SYNC: variants seen among roughly 807,000 people sequenced by gnomAD.
The protein encoded by SYNC is syncoilin.
In SYNC, 38 loss-of-function variants were observed where a neutral mutation model predicts 49.5. That is an observed-to-expected ratio of 0.77 (90% CI 0.59 to 1.01). SYNC has a LOEUF of 1.01. Among genes scored for constraint, SYNC ranks in the 50% least tolerant of loss-of-function variants. SYNC has a pLI of 0.00. For synonymous variants in SYNC, 201 were observed against 230.8 expected, an observed-to-expected ratio of 0.87 and a Z score of 1.17; for missense variants, 579 against 580.6, an observed-to-expected ratio of 1.00 and a Z score of 0.03.
Position 32,695,079 on chromosome 1 carries a change from T to A in SYNC, c.1019A>T (p.Glu340Val), listed in dbSNP as rs757760882. ...CAGGAACTGAGGCTCATACTCCTCC[T>A]CCAGGTCCTGGCGGCTCTCTGCCAT... ...NLMAESRQDL[E>V]EEYEPQFLRL... The change falls in exon 2 of 5, where the codon GAG (glutamate) becomes GTG (valine). Residue 340 changes from glutamate to valine, a missense_variant. By Grantham distance (121) the Glu-to-Val change is moderately radical. Transcript: ENST00000409190. 10 of 1,613,354 alleles carry A rather than the reference T, an allele frequency of 6.2e-6. No individual in the cohort carries two copies. In the African/African-American group the frequency reaches 1.3e-4, roughly 22 times the overall value.
At position 32,702,613 on chromosome 1, in the gene SYNC, G is replaced by A. The variant is rs1428940365; in HGVS notation, c.48C>T (p.Ala16=). 5.7e-6 allele frequency: 7 copies of A among 1,225,186 alleles called. No homozygotes were observed. In the South Asian group the frequency reaches 2.3e-4, roughly 41 times the overall value. The allele number at this position is 1,225,186 out of a possible 1,614,324, so 75.9% of individuals were successfully genotyped here. A position where few individuals can be genotyped will look rare whatever the true frequency, so the allele number is the denominator to read the frequency against. ...PRRGGDGAAQ[A]ARKTRVEANS... ...CGGGCCCGGCACTGTCCTACCTCGC[G>A]GCCTGGGCGGCGCCGTCCCCGCCGC... Residue 16 remains alanine (A), a synonymous_variant, in exon 1 of 5, where the codon GCC becomes GCT. Transcript: ENST00000409190. This position sits in a 1 kb window ranked among gnomAD's most constrained non-coding sequence, Gnocchi z 6.2.
intron 2 of SYNC, among the ~76,000 whole-genome samples, chr1:32,690,018 T>G (rs1570909955): frequency 6.6e-6 from 1 of 151,286 alleles, no homozygotes; most frequent in Non-Finnish European, 1.5e-5. Context: ...AAAGAAAAAT[T>G]AGGGACCTCA....
Position 32,702,737 on chromosome 1 carries a change from G to A in SYNC, c.-77C>T. The A allele has an allele frequency of 9.4e-7, 1 of 1,060,148 alleles. No homozygotes were observed. The highest frequency in any genetic ancestry group is 5.2e-5 in the Admixed American group (1 of 19,118). 65.7% of individuals were successfully genotyped at this position (1,060,148 alleles called of 1,614,324 possible). A position where few individuals can be genotyped will look rare whatever the true frequency, so the allele number is the denominator to read the frequency against. On this transcript the variant is annotated 5_prime_UTR_variant, in exon 1 of 5. Coordinates refer to ENST00000409190, the MANE Select transcript of SYNC (RefSeq NM_030786.3). This position sits in a 1 kb window ranked among gnomAD's most constrained non-coding sequence, Gnocchi z 6.2. ...GCCCCTCGCTCCGGCGCCCGCGCCCGCCGCACTGCCAGCTGCAACCGACAC... is the reference window on the plus strand; with the variant it reads ...GCCCCTCGCTCCGGCGCCCGCGCCCACCGCACTGCCAGCTGCAACCGACAC...
In SYNC at chr1:32,692,520, G is replaced by T. The variant is rs1298959877; in HGVS notation, c.1233+2345C>A. On this transcript the variant is annotated intron_variant, in intron 2 of 4. Transcript: ENST00000409190. ...TCCCAACACTGGGAGGCTGAGGCCG[G>T]TGGATCACCTGAGGTCAGGTGTTCG... is the stretch of plus-strand genomic sequence containing the variant. Among the ~76,000 whole-genome samples, 6 of 152,242 alleles carry T rather than the reference G, an allele frequency of 3.9e-5. No individual in the cohort carries two copies. The South Asian group carries it at 1.0e-3, about 26-fold the overall frequency.
rs199805279 is a variant in SYNC at position 32,686,784 on chromosome 1, CAG to C, written c.1234-2404_1234-2403del. On this transcript the variant is annotated intron_variant, in intron 2 of 4. Coordinates refer to ENST00000409190, the MANE Select transcript of SYNC (RefSeq NM_030786.3). ...TGTTTCATGTGAGGGTGCTGAGCCA[CAG>C]AGCTTAAGTAATTTGTCCAAAGTTT... is the stretch of plus-strand genomic sequence containing the variant. Among the ~76,000 whole-genome samples the C allele has an allele frequency of 1.8e-3, 261 of 148,114 alleles. 3 individuals carry two copies. The East Asian group carries it at 0.034, about 19-fold the overall frequency.
chr1:32,695,520 C>T lies in SYNC; in HGVS notation c.578G>A (p.Arg193Lys). 1 of 1,551,404 alleles carries T rather than the reference C, an allele frequency of 6.4e-7. No individual in the cohort carries two copies. The highest frequency in any genetic ancestry group is 2.0e-5 in the Admixed American group (1 of 50,900). Residue 193 changes from arginine to lysine, a missense_variant, in exon 2 of 5, where the codon AGG becomes AAG. Arg to Lys is a conservative substitution (Grantham distance 26). Transcript: ENST00000409190. ...TACAAGCTCATGGATGAGCTGATCC[C>T]TCTCCTCTTCCAGCTGGGCCACAGC... is the stretch of plus-strand genomic sequence containing the variant. The part of the protein sequence containing the change: ...VQAVAQLEEE[R>K]DQLIHELVLL...
chr1:32,692,425 G>A (rs1474145120), intron 2 of SYNC, among the ~76,000 whole-genome samples: 1 of 152,122 alleles, frequency 6.6e-6, no homozygotes, highest in Non-Finnish European at 1.5e-5. Context: ...TTAAAAAATA[G>A]GGTAAGGGGA....
chr1:32,698,787 T>A (rs1223350383), intron 1 of SYNC, among the ~76,000 whole-genome samples: 1 of 151,048 alleles, frequency 6.6e-6, no homozygotes, highest in Non-Finnish European at 1.5e-5. Flanking sequence ...TTTTGTCTTT[T>A]TTTTTTTTTT....
At chr1:32,686,873 C>T (rs1454563048) in intron 2 of SYNC, among the ~76,000 whole-genome samples, 1 of 152,200 alleles carries the variant, frequency 6.6e-6, no homozygotes, top group Admixed American at 6.5e-5. Flanking sequence ...AGGTAACAGG[C>T]TTTTTAGTGG....
intron 2 of SYNC, among the ~76,000 whole-genome samples, chr1:32,692,682 G>C (rs1650220598): frequency 6.6e-6 from 1 of 151,812 alleles, no homozygotes; most frequent in Admixed American, 6.6e-5. Context: ...GGAGGCAGAG[G>C]TTGCAGTGAG....
At chr1:32,696,376 G>A (rs1014403994) in intron 1 of SYNC, among the ~76,000 whole-genome samples, 2 of 151,856 alleles carry the variant, frequency 1.3e-5, no homozygotes, top group South Asian at 2.1e-4. Context: ...GTGCAATAGC[G>A]TGATGTCGGC....
intron 2 of SYNC, among the ~76,000 whole-genome samples, chr1:32,688,667 A>C (rs1650008735): frequency 6.7e-6 from 1 of 148,306 alleles, no homozygotes; most frequent in South Asian, 2.2e-4. Flanking sequence ...CGCGATCTCA[A>C]CCTCCACCTT....
chr1:32,687,816 CCCTT>C (rs1339157621), intron 2 of SYNC, among the ~76,000 whole-genome samples: 4 of 88,324 alleles, frequency 4.5e-5, no homozygotes, highest in Non-Finnish European at 9.9e-5. Context: ...GAAGACCTCT[CCCTT>C]ACCTGCCCAG....
rs1304367836 is a variant in SYNC at position 32,695,060 on chromosome 1, C to G, written c.1038G>C (p.Gln346His). 2.5e-6 allele frequency: 4 copies of G among 1,613,522 alleles called. No individual in the cohort carries two copies. Among genetic ancestry groups the G allele is most frequent in the Non-Finnish European group, 3.4e-6 (4 of 1,179,982 alleles). Reference sequence around the variant, plus strand: ...CTTTCCTCTCTAGGAGCCGCAGGAACTGAGGCTCATACTCCTCCTCCAGGT... The same window carrying G: ...CTTTCCTCTCTAGGAGCCGCAGGAAGTGAGGCTCATACTCCTCCTCCAGGT... ...RQDLEEEYEP[Q>H]FLRLLERKEA... Residue 346 changes from glutamine to histidine, a missense_variant, in exon 2 of 5, where the codon CAG (glutamine) becomes CAC (histidine). Transcript: ENST00000409190.
chr1:32,698,839 G>A (rs1362309988), intron 1 of SYNC, among the ~76,000 whole-genome samples: 1 of 148,650 alleles, frequency 6.7e-6, no homozygotes, highest in South Asian at 2.1e-4. Flanking sequence ...TGAGTACTGT[G>A]GCATGATCAT....
In SYNC at chr1:32,684,079, G is replaced by A; in HGVS notation, c.1369C>T (p.Leu457=). 6.2e-7 allele frequency: 1 copy of A among 1,613,162 alleles called. No homozygotes were observed. Among genetic ancestry groups the A allele is most frequent in the Non-Finnish European group, 8.5e-7 (1 of 1,179,992 alleles). ...TCAGCCTGTTCCAGGCTCTTGGGTA[G>A]TAGCATAGCCCTTTAAAAAGAGAGA... ...EELSTYKAML[L]PKSLEQADAP... is the part of the protein sequence containing the mutation. The change falls in exon 4 of 5, where the codon CTA becomes TTA. Residue 457 remains leucine, a synonymous_variant. Coordinates refer to ENST00000409190, the MANE Select transcript of SYNC (RefSeq NM_030786.3).
rs999044446 is a variant in SYNC, at chr1:32,695,943, G to A, written c.155C>T (p.Ser52Phe). 4.5e-6 allele frequency: 7 copies of A among 1,549,706 alleles called. No homozygotes were observed. Among genetic ancestry groups the A allele is most frequent in the Non-Finnish European group, 6.1e-6 (7 of 1,147,018 alleles). ...NPEVTLSSEGSLNLEDILYLE... is the reference protein window; with the variant it reads ...NPEVTLSSEGFLNLEDILYLE... ...GTAGAGAATGTCTTCGAGGTTTAAG[G>A]ACCCCTCTGAAGATAGAGTAACTTC... Residue 52 changes from serine (S) to phenylalanine (F), a missense_variant, in exon 2 of 5, where the codon TCC (serine) becomes TTC (phenylalanine). Transcript: ENST00000409190.
At chr1:32,696,394 A>C (rs1650429467) in intron 1 of SYNC, among the ~76,000 whole-genome samples, 1 of 151,692 alleles carries the variant, frequency 6.6e-6, no homozygotes, top group African/African-American at 2.4e-5. Context: ...GGCTCACTGC[A>C]ACCTCTGTCC....
chr1:32,696,712 T>C (rs1470928240), intron 1 of SYNC, among the ~76,000 whole-genome samples: 1 of 151,966 alleles, frequency 6.6e-6, no homozygotes, highest in African/African-American at 2.4e-5. Flanking sequence ...CCTCCCAAAG[T>C]GCTGGGATTA....
Sources: allele counts gnomAD v4.1 joint callset (sites outside exome capture counted in the v4.1 genomes callset), GRCh38; gene constraint gnomAD v4.1.1; non-coding constraint Gnocchi (gnomAD v3.1); transcripts MANE v1.5; gene names NCBI Gene and HGNC (gene_info 2026-07-23, HGNC 2026-07-21).